Variants in TSHZ1 observed in about 807,000 individuals in gnomAD.
TSHZ1 encodes teashirt homolog 1.
A neutral mutation model predicts 67.1 loss-of-function variants in TSHZ1; 12 were observed. The ratio of observed to expected loss-of-function variants is 0.18; its 90% CI spans 0.11 to 0.29. The LOEUF (loss-of-function observed/expected upper bound fraction) is 0.29. TSHZ1 is among the 10% of genes least tolerant of loss of function. TSHZ1 has a pLI of 1.00. For synonymous variants in TSHZ1, 632 were observed against 622.4 expected, an observed-to-expected ratio of 1.02 and a Z score of -0.23; for missense variants, 1,305 against 1,413.9, an observed-to-expected ratio of 0.92 and a Z score of 1.23.
Position 75,223,816 on chromosome 18 carries a change from G to A in TSHZ1, c.40+11900G>A, listed in dbSNP as rs564927998. 7.2e-5 allele frequency among the ~76,000 whole-genome samples: 11 copies of A among 152,038 alleles called. No individual in the cohort carries two copies. In the South Asian group the frequency reaches 1.7e-3, roughly 23 times the overall value. ...GAGAAGCAATGGGCATTAGAAGGCC[G>A]CTATCCTGTGACTAAACACACCCCC... On this transcript the variant is annotated intron_variant, in intron 1 of 1. Transcript: ENST00000580243.
chr18:75,261,169 G>A (rs770132293), intron 1 of TSHZ1, among the ~76,000 whole-genome samples: 10 of 151,922 alleles, frequency 6.6e-5, no homozygotes, highest in East Asian at 1.9e-4. Flanking sequence ...CTACTACCCC[G>A]CCAAGTAGGA....
At chr18:75,282,025 G>A (rs2023693548) in intron 1 of TSHZ1, among the ~76,000 whole-genome samples, 1 of 152,164 alleles carries the variant, frequency 6.6e-6, no homozygotes, top group African/African-American at 2.4e-5. Flanking sequence ...CGCACTCCCT[G>A]GAGTCCACAC....
At chr18:75,254,889 T>G (rs1228890628) in intron 1 of TSHZ1, among the ~76,000 whole-genome samples, 1 of 152,206 alleles carries the variant, frequency 6.6e-6, no homozygotes, top group Admixed American at 6.5e-5. Flanking sequence ...CTTAAACATT[T>G]TTATAAAATT....
intron 1 of TSHZ1, among the ~76,000 whole-genome samples, chr18:75,215,458 A>T (rs112497953): frequency 6.6e-6 from 1 of 152,296 alleles, no homozygotes; most frequent in African/African-American, 2.4e-5. Flanking sequence ...ACACACACAA[A>T]GAAAACTGAT....
chr18:75,248,925 C>A (rs190248623), intron 1 of TSHZ1, among the ~76,000 whole-genome samples: 8 of 152,184 alleles, frequency 5.3e-5, no homozygotes, highest in African/African-American at 1.9e-4. Context: ...TAGGGTCACC[C>A]ACCAGCAGCA....
At chr18:75,212,605 G>A (rs368993181) in intron 1 of TSHZ1, among the ~76,000 whole-genome samples, 58 of 152,278 alleles carry the variant, frequency 3.8e-4, no homozygotes, top group African/African-American at 1.3e-3. Context: ...TCATCTGGCA[G>A]CCTTTGATCT....
chr18:75,263,829 GA>G (rs1385204328), intron 1 of TSHZ1, among the ~76,000 whole-genome samples: 2 of 152,196 alleles, frequency 1.3e-5, no homozygotes, highest in Non-Finnish European at 2.9e-5. Context: ...TCTGTGTTTT[GA>G]GTTTGGAGGG....
intron 1 of TSHZ1, among the ~76,000 whole-genome samples, chr18:75,218,759 A>G (rs904696216): frequency 1.3e-5 from 2 of 152,230 alleles, no homozygotes; most frequent in Non-Finnish European, 2.9e-5. Context: ...TTACTCCGGG[A>G]CAAGGCTCAA....
At chr18:75,279,347 C>A (rs1398039989) in intron 1 of TSHZ1, among the ~76,000 whole-genome samples, 2 of 152,116 alleles carry the variant, frequency 1.3e-5, no homozygotes, top group Non-Finnish European at 2.9e-5. Context: ...AGAAGATGAT[C>A]AGGATTCAAT....
rs199676563 is a variant in TSHZ1, at chr18:75,287,805, C to T, written c.2398C>T (p.Arg800Cys). Residue 800 changes from arginine to cysteine, a missense_variant, in exon 2 of 2, where the codon CGC (arginine) becomes TGC (cysteine). Arg to Cys is a radical substitution (Grantham distance 180). Around this residue, in one of 3 missense-constraint regions of TSHZ1, gnomAD observed 909 missense variants for 961.8 expected, o/e 0.95. Coordinates refer to ENST00000580243, the MANE Select transcript of TSHZ1 (RefSeq NM_001308210.2). The surrounding 1 kb of genome is among the most constrained non-coding windows in gnomAD (Gnocchi z 5.0). Reference protein sequence around the residue: ...TPVKQADAIDRYYYENSDQPI... With the variant: ...TPVKQADAIDCYYYENSDQPI... ...TGTGAAGCAGGCCGATGCCATCGAC[C>T]GCTACTATTATGAAAACAGCGACCA... 233 of 1,614,126 alleles carry T rather than the reference C, an allele frequency of 1.4e-4. 2 individuals are homozygous for T. Among genetic ancestry groups the T allele is most frequent in the Non-Finnish European group, 1.6e-4 (193 of 1,180,046 alleles).
chr18:75,281,719 C>T lies in TSHZ1; in HGVS notation c.41-3729C>T, dbSNP rs992353898. Among the ~76,000 whole-genome samples, 11 of 152,050 alleles carry T rather than the reference C, an allele frequency of 7.2e-5. No homozygotes were observed. Among genetic ancestry groups the T allele is most frequent in the African/African-American group, 1.4e-4 (6 of 41,400 alleles). On this transcript the variant is annotated intron_variant, in intron 1 of 1. Coordinates refer to ENST00000580243, the MANE Select transcript of TSHZ1 (RefSeq NM_001308210.2). The surrounding 1 kb of genome is among the most constrained non-coding windows in gnomAD (Gnocchi z 5.3). The stretch of plus-strand genomic sequence containing the variant: ...AGAACGGGGAGCGGGTAGCGGTCAC[C>T]GAGGGTCTGGAGACGAGGGAGAGGG...
chr18:75,241,541 C>T (rs1022783004), intron 1 of TSHZ1, among the ~76,000 whole-genome samples: 3 of 152,092 alleles, frequency 2.0e-5, no homozygotes, highest in Admixed American at 2.0e-4. Flanking sequence ...AGTTGATGTC[C>T]GCGGATGGGA....
chr18:75,286,610 C>A lies in TSHZ1; in HGVS notation c.1203C>A (p.Gly401=). ...ATAACCGCTATGGCTACCAGAATGG[C>A]GCCAGCTACACCTGGCAGTTTGAGG... ...TPNNRYGYQN[G]ASYTWQFEAR... Residue 401 remains glycine (G), a synonymous_variant, in exon 2 of 2, where the codon GGC becomes GGA. Transcript: ENST00000580243. This position sits in a 1 kb window ranked among gnomAD's most constrained non-coding sequence, Gnocchi z 5.1. 1 of 1,614,250 alleles carries A rather than the reference C, an allele frequency of 6.2e-7. No homozygotes were observed. Among genetic ancestry groups the A allele is most frequent in the Non-Finnish European group, 8.5e-7 (1 of 1,180,048 alleles).
Position 75,288,607 on chromosome 18 carries a change from A to G in TSHZ1, c.3200A>G (p.His1067Arg), listed in dbSNP as rs973931730. 1.9e-6 allele frequency: 3 copies of G among 1,608,554 alleles called. No individual in the cohort carries two copies. In the African/African-American group the frequency reaches 4.0e-5, roughly 22 times the overall value. ...SKTHGKSPED[H>R]LIYVTELEKQ ...ACCCACGGCAAGTCTCCCGAGGACC[A>G]CCTGATCTATGTGACTGAGTTGGAG... Residue 1067 changes from histidine (H) to arginine (R), a missense_variant, in exon 2 of 2, where the codon CAC becomes CGC. Coordinates refer to ENST00000580243, the MANE Select transcript of TSHZ1 (RefSeq NM_001308210.2). The surrounding 1 kb of genome is among the most constrained non-coding windows in gnomAD (Gnocchi z 4.9).
chr18:75,286,168 C>T lies in TSHZ1; in HGVS notation c.761C>T (p.Ala254Val), dbSNP rs2023758619. 1.4e-5 allele frequency: 22 copies of T among 1,614,088 alleles called. No homozygotes were observed. The highest frequency in any genetic ancestry group is 1.7e-5 in the Non-Finnish European group (20 of 1,179,996). ...SKFRCKDCSA[A>V]YDTLVELTVH... ...TTCCGGTGCAAAGACTGCAGTGCCG[C>T]GTACGACACGCTGGTGGAACTGACG... The change falls in exon 2 of 2, where the codon GCG becomes GTG. Residue 254 changes from alanine (A) to valine (V), a missense_variant. Coordinates refer to ENST00000580243, the MANE Select transcript of TSHZ1 (RefSeq NM_001308210.2). The surrounding 1 kb of genome is among the most constrained non-coding windows in gnomAD (Gnocchi z 5.1).
chr18:75,287,981 C>T lies in TSHZ1; in HGVS notation c.2574C>T (p.Pro858=). ...TGRLTPKSST[P]STVSEKSDAD... The stretch of plus-strand genomic sequence containing the variant: ...GCCTGACGCCCAAGTCCTCCACGCC[C>T]TCCACAGTTTCAGAGAAGTCCGATG... Residue 858 remains proline, a synonymous_variant, in exon 2 of 2, where the codon CCC becomes CCT. Coordinates refer to ENST00000580243, the MANE Select transcript of TSHZ1 (RefSeq NM_001308210.2). The surrounding 1 kb of genome is among the most constrained non-coding windows in gnomAD (Gnocchi z 5.0). The T allele has an allele frequency of 1.2e-6, 2 of 1,614,214 alleles. No individual in the cohort carries two copies. The highest frequency in any genetic ancestry group is 2.2e-5 in the South Asian group (2 of 91,080).
At chr18:75,239,178 G>T (rs761174797) in intron 1 of TSHZ1, among the ~76,000 whole-genome samples, 1 of 152,256 alleles carries the variant, frequency 6.6e-6, no homozygotes, top group Non-Finnish European at 1.5e-5. Context: ...AAGGGCCAGC[G>T]CAGGCCAGGG....
chr18:75,262,421 T>G (rs1382449794), intron 1 of TSHZ1, among the ~76,000 whole-genome samples: 9 of 152,208 alleles, frequency 5.9e-5, no homozygotes, highest in African/African-American at 2.2e-4. Flanking sequence ...ACCAAGTGTG[T>G]GCCAAGCATT....
chr18:75,229,996 G>A (rs997355841), intron 1 of TSHZ1, among the ~76,000 whole-genome samples: 2 of 152,150 alleles, frequency 1.3e-5, no homozygotes, highest in African/African-American at 2.4e-5. Context: ...GTATTTTAGA[G>A]GACAAATACC....
Sources: allele counts gnomAD v4.1 joint callset (sites outside exome capture counted in the v4.1 genomes callset), GRCh38; gene constraint gnomAD v4.1.1; regional missense constraint gnomAD v4.1.1; non-coding constraint Gnocchi (gnomAD v3.1); transcripts MANE v1.5; gene names NCBI Gene and HGNC (gene_info 2026-07-23, HGNC 2026-07-21).